The following NKAIN2 variants were observed in gnomAD, a reference collection of about 807,000 sequenced individuals.
The protein encoded by NKAIN2 is sodium/potassium-transporting ATPase subunit beta-1-interacting protein 2.
NKAIN2 carries 14 observed loss-of-function variants against 32.6 expected under a neutral mutation model. The observed-to-expected ratio is 0.43, with a 90% CI of 0.28 to 0.67. The LOEUF is 0.67. NKAIN2 is among the 30% of genes least tolerant of loss of function. The pLI is 0.17. For synonymous variants in NKAIN2, 80 were observed against 87.2 expected, an observed-to-expected ratio of 0.92 and a Z score of 0.46; for missense variants, 198 against 258.3, an observed-to-expected ratio of 0.77 and a Z score of 1.60.
chr6:124,464,397 T>G (rs1776657952), intron 3 of NKAIN2, among the ~76,000 whole-genome samples: 1 of 151,962 alleles, frequency 6.6e-6, no homozygotes, highest in Non-Finnish European at 1.5e-5. Context: ...TTTTTTTTAC[T>G]TTCATGGTAA....
intron 4 of NKAIN2, among the ~76,000 whole-genome samples, chr6:124,663,797 A>ACTAT (rs1399274558): frequency 1.3e-5 from 2 of 152,196 alleles, no homozygotes; most frequent in African/African-American, 4.8e-5. Flanking sequence ...CAGTTGGTAG[A>ACTAT]CTATCTGAAA....
At chr6:124,725,042 G>A (rs1293162568) in intron 4 of NKAIN2, among the ~76,000 whole-genome samples, 1 of 152,134 alleles carries the variant, frequency 6.6e-6, no homozygotes, top group African/African-American at 2.4e-5. Context: ...GTGTCTACTA[G>A]GGAATTCCGA....
At chr6:123,960,576 C>T (rs998833497) in intron 1 of NKAIN2, among the ~76,000 whole-genome samples, 2 of 151,970 alleles carry the variant, frequency 1.3e-5, no homozygotes, top group African/African-American at 4.8e-5. Flanking sequence ...AACTCTGCAG[C>T]CCTCCTAAGA....
At chr6:124,674,333 G>T (rs9372785) in intron 4 of NKAIN2, among the ~76,000 whole-genome samples, 97,752 of 151,694 alleles carry the variant, frequency 0.64, 32,072 homozygotes, top group African/African-American at 0.76. Context: ...AAGATTGTTT[G>T]GGCTGTTGGG....
intron 1 of NKAIN2, among the ~76,000 whole-genome samples, chr6:124,058,188 G>A (rs1782749510): frequency 7.6e-6 from 1 of 131,000 alleles, no homozygotes. Context: ...TGTTTATTAT[G>A]TGACATTTAA....
chr6:124,708,770 C>G (rs1002632630), intron 4 of NKAIN2, among the ~76,000 whole-genome samples: 10 of 151,688 alleles, frequency 6.6e-5, no homozygotes, highest in Non-Finnish European at 1.5e-4. Context: ...GATATACAAT[C>G]ATGTCGTCTG....
intron 3 of NKAIN2, among the ~76,000 whole-genome samples, chr6:124,439,375 C>T (rs571322492): frequency 2.4e-4 from 36 of 151,426 alleles, no homozygotes; most frequent in African/African-American, 8.2e-4. Flanking sequence ...TTTTTTATCT[C>T]CATGAAACAC....
chr6:124,818,208 C>T (rs960102928), intron 5 of NKAIN2, among the ~76,000 whole-genome samples, 179 bp from the exon 6 acceptor site: 1 of 152,074 alleles, frequency 6.6e-6, no homozygotes, highest in African/African-American at 2.4e-5. Context: ...AGGGGGGCAG[C>T]GGAATCACTA....
At chr6:123,820,612 G>T (rs1285187377) in intron 1 of NKAIN2, among the ~76,000 whole-genome samples, 1 of 152,118 alleles carries the variant, frequency 6.6e-6, no homozygotes, top group Non-Finnish European at 1.5e-5. Context: ...GATCTAGGTG[G>T]TTGTGCCAGA....
At chr6:123,893,574 G>A (rs896144945) in intron 1 of NKAIN2, among the ~76,000 whole-genome samples, 14 of 152,174 alleles carry the variant, frequency 9.2e-5, no homozygotes, top group Middle Eastern at 3.2e-3. Context: ...CATTTTAAAG[G>A]ATTAGGCCAT....
intron 1 of NKAIN2, among the ~76,000 whole-genome samples, chr6:123,894,469 G>T (rs899118600): frequency 1.3e-5 from 2 of 152,186 alleles, no homozygotes; most frequent in Admixed American, 1.3e-4. Flanking sequence ...TAGAGAAGGT[G>T]TATGGATGGG....
At chr6:124,626,011 T>C (rs1783318813) in intron 3 of NKAIN2, among the ~76,000 whole-genome samples, 2 of 151,882 alleles carry the variant, frequency 1.3e-5, no homozygotes, top group South Asian at 2.1e-4. Context: ...GTTACATATG[T>C]ATACATGTGC....
intron 1 of NKAIN2, among the ~76,000 whole-genome samples, chr6:123,868,021 A>G: frequency 1.3e-5 from 2 of 151,890 alleles, no homozygotes; most frequent in African/African-American, 4.8e-5. Context: ...GGCGCACACC[A>G]CCACACCCGG....
chr6:124,686,278 A>G (rs1256062379), intron 4 of NKAIN2, among the ~76,000 whole-genome samples: 1 of 152,182 alleles, frequency 6.6e-6, no homozygotes, highest in Non-Finnish European at 1.5e-5. Context: ...TCGCTGCTAT[A>G]AGGAAATACC....
chr6:124,118,256 G>T (rs1785711391), intron 1 of NKAIN2, among the ~76,000 whole-genome samples: 2 of 152,132 alleles, frequency 1.3e-5, no homozygotes, highest in African/African-American at 4.8e-5. Flanking sequence ...CTAAAAATAT[G>T]CACACATTGC....
At chr6:124,312,291 C>A (rs944363214) in intron 2 of NKAIN2, among the ~76,000 whole-genome samples, 3 of 152,134 alleles carry the variant, frequency 2.0e-5, no homozygotes, top group Non-Finnish European at 4.4e-5. Flanking sequence ...CACCAGCTAG[C>A]TGTCTTCCAA....
intron 3 of NKAIN2, among the ~76,000 whole-genome samples, chr6:124,537,371 T>C (rs2114836419): frequency 6.6e-6 from 1 of 152,338 alleles, no homozygotes. Flanking sequence ...GTCATTATTG[T>C]CCTCTCCTTG....
chr6:124,549,583 C>T (rs996086966), intron 3 of NKAIN2, among the ~76,000 whole-genome samples: 5 of 152,242 alleles, frequency 3.3e-5, no homozygotes, highest in Middle Eastern at 3.4e-3. Flanking sequence ...TCAGTGTTTT[C>T]ACTACTGCAT....
intron 5 of NKAIN2, among the ~76,000 whole-genome samples, chr6:124,803,972 C>G (rs1780396533): frequency 6.6e-6 from 1 of 152,106 alleles, no homozygotes; most frequent in East Asian, 1.9e-4. Flanking sequence ...TCTCAATAAC[C>G]CTTCGAAGCT....
Sources: allele counts gnomAD v4.1 joint callset (sites outside exome capture counted in the v4.1 genomes callset), GRCh38; gene constraint gnomAD v4.1.1; transcripts MANE v1.5; gene names NCBI Gene and HGNC (gene_info 2026-07-23, HGNC 2026-07-21).